Variants in SYTL2 observed in about 807,000 individuals in gnomAD.
SYTL2 encodes the protein synaptotagmin like 2.
SYTL2 carries 165 observed loss-of-function variants against 198.7 expected under a neutral mutation model. That is an observed-to-expected ratio of 0.83 (90% confidence interval 0.73 to 0.94). The LOEUF (loss-of-function observed/expected upper bound fraction) is 0.94. Among genes scored for constraint, SYTL2 ranks in the 40% least tolerant of loss-of-function variants. The probability of loss-of-function intolerance (pLI) is 0.00; values close to 1 mark genes in which losing one functional copy is unlikely to be tolerated. For missense variants in SYTL2, 2,835 were observed against 2,582.8 expected (o/e 1.10, Z -2.12); for synonymous variants, 966 against 917.7 (o/e 1.05, Z -0.95).
At chr11:85,787,010 G>C (rs879621410) in intron 1 of SYTL2, among the ~76,000 whole-genome samples, 4 of 152,152 alleles carry the variant, frequency 2.6e-5, no homozygotes, top group Admixed American at 1.3e-4. Flanking sequence ...AGTAGAACCA[G>C]ATAAGCTGAA....
At chr11:85,821,999 C>A in the SYTL2 span, among the ~76,000 whole-genome samples, 1 of 151,138 alleles carries the variant, frequency 6.6e-6, no homozygotes, top group Non-Finnish European at 1.5e-5. Context: ...TCATAGAGAG[C>A]CCTAGGTGCT....
Position 85,726,894 on chromosome 11 carries a change from G to A in SYTL2, c.2464C>T (p.Pro822Ser). 1 of 1,536,616 alleles carries A rather than the reference G, an allele frequency of 6.5e-7. No individual in the cohort carries two copies. The highest frequency in any genetic ancestry group is 8.7e-7 in the Non-Finnish European group (1 of 1,146,980). The change falls in exon 8 of 20, where the codon CCT becomes TCT. Residue 822 changes from proline to serine, a missense_variant. Transcript: ENST00000359152. The stretch of plus-strand genomic sequence containing the variant: ...ACAGGCTGATATGCTTTAGCAGAAG[G>A]TTGTTCCTGGCTACATGAAGATGTG... ...KPTSSCSQEQPSAKAYQPVKK... is the reference protein window; with the variant it reads ...KPTSSCSQEQSSAKAYQPVKK...
intron 1 of SYTL2, among the ~76,000 whole-genome samples, chr11:85,792,164 T>C (rs775294400): frequency 2.0e-5 from 3 of 152,024 alleles, no homozygotes; most frequent in Non-Finnish European, 4.4e-5. Context: ...GGTCAGACTT[T>C]GAATCACTGA....
At chr11:85,810,029 GGGAAGCT>G (rs2093010078) in intron 1 of SYTL2, among the ~76,000 whole-genome samples, 1 of 152,200 alleles carries the variant, frequency 6.6e-6, no homozygotes, top group African/African-American at 2.4e-5. Flanking sequence ...ACAAGGGGAC[GGGAAGCT>G]GGATGGCAGT....
chr11:85,748,181 C>G, intron 3 of SYTL2, 91 bp downstream of exon 3: 17 of 1,379,210 alleles, frequency 1.2e-5, no homozygotes, highest in Non-Finnish European at 1.7e-5. Flanking sequence ...CAAATGATTT[C>G]CATCAGCAGA....
chr11:85,828,066 T>C, the SYTL2 span, among the ~76,000 whole-genome samples: 1 of 152,190 alleles, frequency 6.6e-6, no homozygotes, highest in Non-Finnish European at 1.5e-5. Context: ...TGACTACGTT[T>C]GGCATTCCTA....
intron 9 of SYTL2, chr11:85,719,113 A>C: frequency 6.8e-7 from 1 of 1,469,740 alleles, no homozygotes; most frequent in South Asian, 1.2e-5. Flanking sequence ...CAGAGCAAGC[A>C]ATCGGCCAGC....
chr11:85,774,564 T>C lies in SYTL2; in HGVS notation c.-389-16450A>G, dbSNP rs144391494. 1.0e-3 allele frequency among the ~76,000 whole-genome samples: 153 copies of C among 152,066 alleles called. 1 individual carries two copies. Among genetic ancestry groups the C allele is most frequent in the African/African-American group, 3.5e-3 (145 of 41,564 alleles). On this transcript the variant is annotated intron_variant, in intron 1 of 19. Coordinates refer to ENST00000359152, the MANE Select transcript of SYTL2 (RefSeq NM_206927.4). ...ACCCCAAATACCGAGCTTTGCAAGA[T>C]AGAATGTTGTTAAACTTGATGTGAA... is the stretch of plus-strand genomic sequence containing the variant.
the SYTL2 span, among the ~76,000 whole-genome samples, chr11:85,839,385 C>G: frequency 6.6e-6 from 1 of 152,132 alleles, no homozygotes; most frequent in African/African-American, 2.4e-5. Context: ...TTTCACCATC[C>G]CCACCTCCCA....
At chr11:85,728,031 A>G in intron 7 of SYTL2, 64 bp from the exon 8 acceptor site, 1 of 1,392,320 alleles carries the variant, frequency 7.2e-7, no homozygotes. Flanking sequence ...TTAATCATTC[A>G]CATCATCATC....
At chr11:85,831,170 T>C in the SYTL2 span, among the ~76,000 whole-genome samples, 3 of 152,196 alleles carry the variant, frequency 2.0e-5, no homozygotes, top group Admixed American at 6.5e-5. Context: ...AATTCATCAA[T>C]TGTGTGCTTA....
At chr11:85,791,182 A>AC (rs1380676369) in intron 1 of SYTL2, among the ~76,000 whole-genome samples, 3 of 150,594 alleles carry the variant, frequency 2.0e-5, no homozygotes, top group Non-Finnish European at 4.4e-5. Context: ...AAAAAAAAAA[A>AC]AAAAAAAAAA....
intron 5 of SYTL2, 73 bp downstream of exon 5, chr11:85,737,502 G>A (rs1565957149): frequency 2.6e-6 from 3 of 1,164,642 alleles, no homozygotes; most frequent in East Asian, 4.8e-5. Flanking sequence ...TTTATTTTGT[G>A]GTGCTTTGAC....
chr11:85,737,741 C>A (rs1274632943), intron 4 of SYTL2, 85 bp from the exon 5 acceptor site: 2 of 1,128,736 alleles, frequency 1.8e-6, no homozygotes, highest in African/African-American at 1.6e-5. Flanking sequence ...AAGCTATCAG[C>A]AGGCTAGGAG....
chr11:85,725,969 T>C lies in SYTL2; in HGVS notation c.3389A>G (p.Asp1130Gly), dbSNP rs116047730. Residue 1130 changes from aspartate (D) to glycine (G), a missense_variant, in exon 8 of 20, where the codon GAC (aspartate) becomes GGC (glycine). Transcript: ENST00000359152. Reference sequence around the variant, plus strand: ...TTTCTGCAAGCTGTCATTAAAAGTGTCTTTGCAGTCTTTAGACAAAACATT... The same window carrying C: ...TTTCTGCAAGCTGTCATTAAAAGTGCCTTTGCAGTCTTTAGACAAAACATT... ...KTNVLSKDCK[D>G]TFNDSLQKLL... The C allele has an allele frequency of 5.6e-6, 9 of 1,614,170 alleles. No individual in the cohort carries two copies. Among genetic ancestry groups the C allele is most frequent in the East Asian group, 2.2e-5 (1 of 44,882 alleles).
chr11:85,811,673 T>C (rs2153667636), upstream of SYTL2, among the ~76,000 whole-genome samples: 1 of 152,262 alleles, frequency 6.6e-6, no homozygotes, highest in South Asian at 2.1e-4. Flanking sequence ...AGTGATGCTT[T>C]AAAATACAAT....
intron 2 of SYTL2, among the ~76,000 whole-genome samples, chr11:85,748,964 T>G (rs1187523948): frequency 1.3e-5 from 2 of 152,282 alleles, no homozygotes; most frequent in Admixed American, 6.5e-5. Flanking sequence ...GAGACTTTCC[T>G]GGAAGCCTGT....
intron 1 of SYTL2, among the ~76,000 whole-genome samples, chr11:85,769,106 G>C (rs544235050): frequency 1.3e-5 from 2 of 152,320 alleles, no homozygotes; most frequent in African/African-American, 2.4e-5. Flanking sequence ...AAAAAAGTTT[G>C]ATAAGTTATG....
rs2092771944 is a variant in SYTL2, at chr11:85,794,279, A to G, written c.-390+16675T>C. ...CTGTAACTTCAAACTCCTGGGTTTA[A>G]GCAATCCTCCTGCCTCAGCCTCCCA... On this transcript the variant is annotated intron_variant, in intron 1 of 19. Coordinates refer to ENST00000359152, the MANE Select transcript of SYTL2 (RefSeq NM_206927.4). 2.0e-5 allele frequency among the ~76,000 whole-genome samples: 3 copies of G among 152,302 alleles called. 1 individual carries two copies. The highest frequency in any genetic ancestry group is 6.8e-3 in the Middle Eastern group (2 of 294).
Sources: allele counts gnomAD v4.1 joint callset (sites outside exome capture counted in the v4.1 genomes callset), GRCh38; gene constraint gnomAD v4.1.1; transcripts MANE v1.5; gene names NCBI Gene and HGNC (gene_info 2026-07-23, HGNC 2026-07-21).